MSI2: variants seen among roughly 807,000 people sequenced by gnomAD.
MSI2 encodes RNA-binding protein Musashi homolog 2.
In MSI2, 17 loss-of-function variants were observed where a neutral mutation model predicts 45.6. The ratio of observed to expected loss-of-function variants is 0.37; its 90% CI spans 0.26 to 0.56. The LOEUF is 0.56. Among genes scored for constraint, MSI2 ranks in the 20% least tolerant of loss-of-function variants. The pLI is 0.77. For missense variants in MSI2, 293 were observed against 444.2 expected (o/e 0.66, Z 3.06); for synonymous variants, 156 against 158.2 (o/e 0.99, Z 0.11).
chr17:57,378,159 C>G (rs2083533975), intron 5 of MSI2, among the ~76,000 whole-genome samples: 2 of 152,036 alleles, frequency 1.3e-5, no homozygotes, highest in African/African-American at 4.8e-5. Context: ...GTGTCCCGGG[C>G]TGGAGTGCAA....
intron 6 of MSI2, among the ~76,000 whole-genome samples, chr17:57,501,147 G>T (rs1024537514): frequency 2.0e-5 from 3 of 152,052 alleles, no homozygotes; most frequent in African/African-American, 7.2e-5. Context: ...ACCCAAGATC[G>T]CCGTGTGGTT....
chr17:57,309,717 A>C (rs1912215787), intron 5 of MSI2, among the ~76,000 whole-genome samples: 2 of 152,160 alleles, frequency 1.3e-5, no homozygotes, highest in Admixed American at 1.3e-4. Context: ...GTTTCCTGAG[A>C]TCCTGCTCAG....
intron 6 of MSI2, among the ~76,000 whole-genome samples, chr17:57,428,226 CTTTG>C (rs1423907405): frequency 2.0e-5 from 3 of 151,974 alleles, no homozygotes; most frequent in African/African-American, 7.3e-5. Flanking sequence ...ATCTGAACAT[CTTTG>C]TTTGTTTTTA....
chr17:57,555,856 C>T (rs929848727), intron 7 of MSI2, among the ~76,000 whole-genome samples: 1 of 152,218 alleles, frequency 6.6e-6, no homozygotes, highest in African/African-American at 2.4e-5. Flanking sequence ...GGTCACACAA[C>T]TACCTTCCTG....
intron 7 of MSI2, among the ~76,000 whole-genome samples, chr17:57,595,838 A>G (rs182803653): frequency 6.6e-6 from 1 of 152,304 alleles, no homozygotes; most frequent in African/African-American, 2.4e-5. Context: ...GTCCAGTTCT[A>G]CCACCTTCAT....
In MSI2 at chr17:57,679,540, G is replaced by A; in HGVS notation, c.*32-9G>A. ...TCTTCTGGACATCCTGGCCTTCCCTGCCCTGCAGAGCATACCTGGATGTCC... is the reference window on the plus strand; with the variant it reads ...TCTTCTGGACATCCTGGCCTTCCCTACCCTGCAGAGCATACCTGGATGTCC... On this transcript the variant is annotated splice_polypyrimidine_tract_variant and intron_variant, in intron 13 of 13. Transcript: ENST00000284073. 1 of 1,054,932 alleles carries A rather than the reference G, an allele frequency of 9.5e-7. No homozygotes were observed. The highest frequency in any genetic ancestry group is 1.1e-6 in the Non-Finnish European group (1 of 872,514). 65.3% of individuals were successfully genotyped at this position (1,054,932 alleles called of 1,614,324 possible). A position where few individuals can be genotyped will look rare whatever the true frequency, so the allele number is the denominator to read the frequency against.
chr17:57,565,257 T>C (rs986544085), intron 7 of MSI2, among the ~76,000 whole-genome samples: 2 of 152,228 alleles, frequency 1.3e-5, no homozygotes, highest in Non-Finnish European at 2.9e-5. Flanking sequence ...GAGATCATGC[T>C]GGATTTCCCA....
chr17:57,426,614 G>T (rs1003956610), intron 6 of MSI2, among the ~76,000 whole-genome samples: 1 of 152,196 alleles, frequency 6.6e-6, no homozygotes. Context: ...GTAAATGGTT[G>T]TTGAGTGCTT....
At chr17:57,414,903 G>A (rs1451926920) in intron 6 of MSI2, among the ~76,000 whole-genome samples, 1 of 152,158 alleles carries the variant, frequency 6.6e-6, no homozygotes, top group East Asian at 1.9e-4. Flanking sequence ...AGATTCTCAG[G>A]CAGGTTTCGG....
chr17:57,569,369 C>T (rs1033009829), intron 7 of MSI2, among the ~76,000 whole-genome samples: 1 of 152,164 alleles, frequency 6.6e-6, no homozygotes, highest in South Asian at 2.1e-4. Flanking sequence ...GCATCTCTGC[C>T]CCAGCCTGGA....
intron 5 of MSI2, among the ~76,000 whole-genome samples, chr17:57,310,657 A>G (rs1912321280): frequency 6.6e-6 from 1 of 152,240 alleles, no homozygotes; most frequent in South Asian, 2.1e-4. Context: ...CAGCACAGGA[A>G]GGAACTTGTC....
At chr17:57,411,891 C>G (rs1469642571) in intron 6 of MSI2, among the ~76,000 whole-genome samples, 1 of 151,944 alleles carries the variant, frequency 6.6e-6, no homozygotes, top group Non-Finnish European at 1.5e-5. Flanking sequence ...CTTGTAATCC[C>G]AGCTACTCAG....
At chr17:57,545,263 G>C (rs2087138062) in intron 7 of MSI2, among the ~76,000 whole-genome samples, 1 of 152,150 alleles carries the variant, frequency 6.6e-6, no homozygotes, top group Admixed American at 6.5e-5. Flanking sequence ...GAATTGAACA[G>C]ACAAAGATTC....
chr17:57,467,196 C>T (rs1355301130), intron 6 of MSI2, among the ~76,000 whole-genome samples: 1 of 152,232 alleles, frequency 6.6e-6, no homozygotes, highest in Non-Finnish European at 1.5e-5. Flanking sequence ...ACAGGCATTG[C>T]TCCTCCTGGG....
At chr17:57,331,335 C>T (rs548517619) in intron 5 of MSI2, among the ~76,000 whole-genome samples, 13 of 152,280 alleles carry the variant, frequency 8.5e-5, no homozygotes, top group Non-Finnish European at 1.5e-4. Flanking sequence ...TGGAACCCAA[C>T]GCAGACCTCT....
intron 8 of MSI2, among the ~76,000 whole-genome samples, chr17:57,614,298 C>T (rs992882511): frequency 6.6e-6 from 1 of 152,208 alleles, no homozygotes; most frequent in Non-Finnish European, 1.5e-5. Flanking sequence ...AGCAGTCTGC[C>T]TGCCTTAGCC....
chr17:57,422,459 C>CA (rs1039059642), intron 6 of MSI2, among the ~76,000 whole-genome samples: 35 of 150,304 alleles, frequency 2.3e-4, no homozygotes, highest in Non-Finnish European at 3.3e-4. Flanking sequence ...GACTCAGCCT[C>CA]AAAAAAAAAG....
chr17:57,284,431 G>T (rs1029684311), intron 5 of MSI2, among the ~76,000 whole-genome samples: 1 of 152,100 alleles, frequency 6.6e-6, no homozygotes, highest in Admixed American at 6.6e-5. Flanking sequence ...TGTGCTTTAT[G>T]TATGTGTTTT....
chr17:57,445,032 G>C (rs987527802), intron 6 of MSI2, among the ~76,000 whole-genome samples: 1 of 152,196 alleles, frequency 6.6e-6, no homozygotes, highest in Non-Finnish European at 1.5e-5. Flanking sequence ...CATAGGAAGA[G>C]TAGCTGATAT....
Sources: allele counts gnomAD v4.1 joint callset (sites outside exome capture counted in the v4.1 genomes callset), GRCh38; gene constraint gnomAD v4.1.1; transcripts MANE v1.5; gene names NCBI Gene and HGNC (gene_info 2026-07-23, HGNC 2026-07-21).